MYO16: variants seen among roughly 807,000 people sequenced by gnomAD.
MYO16 encodes the protein unconventional myosin-XVI.
Under a neutral mutation model 205.3 loss-of-function variants are expected in MYO16, and 94 were observed. That is an observed-to-expected ratio of 0.46 (90% CI 0.39 to 0.54). The LOEUF is 0.54. Ranked by LOEUF, MYO16 falls within the 20% of genes least tolerant of loss-of-function variation. The probability of loss-of-function intolerance (pLI) is 0.00; values close to 1 mark genes in which losing one functional copy is unlikely to be tolerated. For synonymous variants in MYO16, 988 were observed against 954.0 expected (o/e 1.04, Z -0.66); for missense variants, 2,315 against 2,387.5 (o/e 0.97, Z 0.63).
At chr13:109,022,066 AATGTAT>A (rs1228607143) in intron 23 of MYO16, among the ~76,000 whole-genome samples, 2 of 148,366 alleles carry the variant, frequency 1.3e-5, no homozygotes, top group Admixed American at 6.9e-5. Flanking sequence ...ATGTATATAA[AATGTAT>A]ATGTATATGT....
intron 34 of MYO16, chr13:109,201,502 A>AAG (rs1197095358): frequency 6.6e-6 from 1 of 151,932 alleles, no homozygotes; most frequent in Non-Finnish European, 1.5e-5. Context: ...AAAAAAAAAA[A>AAG]AAAAAAAAAA....
chr13:108,881,365 T>G (rs1177059475), intron 12 of MYO16, among the ~76,000 whole-genome samples: 4 of 152,064 alleles, frequency 2.6e-5, no homozygotes, highest in Non-Finnish European at 4.4e-5. Flanking sequence ...CTGAAAATTC[T>G]AAAAATCAGA....
At chr13:109,093,834 C>G (rs1237212969) in intron 27 of MYO16, among the ~76,000 whole-genome samples, 1 of 152,136 alleles carries the variant, frequency 6.6e-6, no homozygotes, top group Non-Finnish European at 1.5e-5. Flanking sequence ...CTGCCCCTCT[C>G]CAGCCGCACT....
At chr13:108,551,580 C>G in the MYO16 span, among the ~76,000 whole-genome samples, 1 of 152,146 alleles carries the variant, frequency 6.6e-6, no homozygotes, top group African/African-American at 2.4e-5. Context: ...AATGCCTCCT[C>G]TCCAATTCAT....
chr13:108,700,332 C>CAA lies in MYO16; in HGVS notation c.293-12312_293-12311dup, dbSNP rs1183646145. Among the ~76,000 whole-genome samples, 592 of 96,402 alleles carry CAA rather than the reference C, an allele frequency of 6.1e-3. 5 individuals are homozygous for CAA. Among genetic ancestry groups the CAA allele is most frequent in the Admixed American group, 0.019 (165 of 8,562 alleles). The allele number at this position is 96,402 out of a possible 152,430, so 63.2% of individuals were successfully genotyped here. ...GGGCAACAACAGCGAAACTCTGTCT[C>CAA]AAAAAAAAAAAAAAAAAAGAAGAAG... is the stretch of plus-strand genomic sequence containing the variant. On this transcript the variant is annotated intron_variant, in intron 2 of 34. Coordinates refer to ENST00000457511, the MANE Select transcript of MYO16 (RefSeq NM_001198950.3).
Position 108,904,840 on chromosome 13 carries a change from C to T in MYO16, c.1778-5163C>T, listed in dbSNP as rs939347205. On this transcript the variant is annotated intron_variant, in intron 15 of 34. Coordinates refer to ENST00000457511, the MANE Select transcript of MYO16 (RefSeq NM_001198950.3). ...CCTGGAAAGGGAATGACAATTCTTTCTCTTCTACACAAGATCGTTCCTTGT... is the reference window on the plus strand; with the variant it reads ...CCTGGAAAGGGAATGACAATTCTTTTTCTTCTACACAAGATCGTTCCTTGT... Among the ~76,000 whole-genome samples the T allele has an allele frequency of 3.9e-5, 6 of 152,224 alleles. No individual in the cohort carries two copies. The South Asian group carries it at 1.2e-3, about 32-fold the overall frequency.
At chr13:108,978,621 A>G (rs1884353565) in intron 20 of MYO16, among the ~76,000 whole-genome samples, 1 of 151,632 alleles carries the variant, frequency 6.6e-6, no homozygotes, top group Non-Finnish European at 1.5e-5. Flanking sequence ...GTCTTTATTT[A>G]TGTTCGCATT....
chr13:109,141,033 G>C lies in MYO16; in HGVS notation c.4821G>C (p.Ala1607=). The change falls in exon 32 of 35, where the codon GCG becomes GCC. Residue 1607 remains alanine, a synonymous_variant. Transcript: ENST00000457511. This position sits in a 1 kb window ranked among gnomAD's most constrained non-coding sequence, Gnocchi z 4.1. ...PPPPPPGPPP[A]PYRPCAHLAF... ...CGCCCCCGCCCGGGCCGCCCCCCGC[G>C]CCCTACAGGCCCTGCGCGCACTTGG... 7.6e-7 allele frequency: 1 copy of C among 1,311,884 alleles called. No individual in the cohort carries two copies. The highest frequency in any genetic ancestry group is 9.7e-7 in the Non-Finnish European group (1 of 1,033,412). The allele number at this position is 1,311,884 out of a possible 1,614,324, so 81.3% of individuals were successfully genotyped here. A position where few individuals can be genotyped will look rare whatever the true frequency, so the allele number is the denominator to read the frequency against.
chr13:109,030,720 T>C (rs1408245050), intron 23 of MYO16, among the ~76,000 whole-genome samples: 1 of 152,176 alleles, frequency 6.6e-6, no homozygotes. Context: ...ATATTGACTT[T>C]TTAATATCTC....
chr13:109,191,856 A>G (rs1038312599), intron 34 of MYO16, among the ~76,000 whole-genome samples: 45 of 152,332 alleles, frequency 3.0e-4, no homozygotes, highest in South Asian at 4.1e-4. Flanking sequence ...GGAAACTTTA[A>G]TCTGTTCAGA....
chr13:108,716,723 C>A (rs1171182989), intron 3 of MYO16, among the ~76,000 whole-genome samples: 4 of 152,128 alleles, frequency 2.6e-5, no homozygotes, highest in Admixed American at 6.5e-5. Context: ...AGACGATCAG[C>A]GACTTTGAGG....
At chr13:108,820,990 A>G (rs2139016594) in intron 8 of MYO16, among the ~76,000 whole-genome samples, 1 of 152,204 alleles carries the variant, frequency 6.6e-6, no homozygotes, top group South Asian at 2.1e-4. Context: ...TAATAAATGG[A>G]TGCTACATTA....
intron 4 of MYO16, among the ~76,000 whole-genome samples, chr13:108,739,962 C>T (rs1726418919): frequency 6.6e-6 from 1 of 152,148 alleles, no homozygotes; most frequent in South Asian, 2.1e-4. Context: ...TCACGTGGTT[C>T]TCGTGCCATG....
chr13:109,044,066 T>G (rs1211987345), intron 23 of MYO16, among the ~76,000 whole-genome samples: 1 of 152,078 alleles, frequency 6.6e-6, no homozygotes, highest in Non-Finnish European at 1.5e-5. Context: ...CAGATGCAAA[T>G]GATACCGAAT....
At chr13:108,752,401 A>G (rs2139637797) in intron 4 of MYO16, among the ~76,000 whole-genome samples, 1 of 152,316 alleles carries the variant, frequency 6.6e-6, no homozygotes, top group South Asian at 2.1e-4. Context: ...TAAGGGGCAC[A>G]GATTCGTACA....
rs369220283 is a variant in MYO16 at position 108,655,640 on chromosome 13, C to T, written c.29-10246C>T. Among the ~76,000 whole-genome samples the T allele has an allele frequency of 2.0e-3, 307 of 152,222 alleles. 8 individuals are homozygous for T. In the South Asian group the frequency reaches 0.062, roughly 31 times the overall value. ...GCTTGCACCACACACCTGGAAAAGT[C>T]GCAGGCACTCAATGCCAGCCCATGA... is the stretch of plus-strand genomic sequence containing the variant. On this transcript the variant is annotated intron_variant, in intron 1 of 34. Transcript: ENST00000457511.
At chr13:109,120,160 T>C (rs918921610) in intron 28 of MYO16, among the ~76,000 whole-genome samples, 2 of 152,226 alleles carry the variant, frequency 1.3e-5, no homozygotes, top group Non-Finnish European at 1.5e-5. Context: ...GAAAACAATG[T>C]TGACACATGC....
In MYO16 at chr13:108,700,471, G is replaced by A. The variant is rs148708413; in HGVS notation, c.293-12190G>A. Among the ~76,000 whole-genome samples the A allele has an allele frequency of 3.1e-3, 475 of 152,108 alleles. 3 individuals carry two copies. The highest frequency in any genetic ancestry group is 0.011 in the African/African-American group (456 of 41,498). On this transcript the variant is annotated intron_variant, in intron 2 of 34. Transcript: ENST00000457511. Reference sequence around the variant, plus strand: ...TCCTCTCTTCCCCGGCTCTATAATAGCCCTAAAACCCAGCAGCCTTGCAAT... The same window carrying A: ...TCCTCTCTTCCCCGGCTCTATAATAACCCTAAAACCCAGCAGCCTTGCAAT...
chr13:109,090,172 G>A (rs1217310093), intron 27 of MYO16, among the ~76,000 whole-genome samples: 1 of 152,212 alleles, frequency 6.6e-6, no homozygotes, highest in Admixed American at 6.5e-5. Flanking sequence ...AATTGTCATA[G>A]TGATAATGCG....
Sources: allele counts gnomAD v4.1 joint callset (sites outside exome capture counted in the v4.1 genomes callset), GRCh38; gene constraint gnomAD v4.1.1; non-coding constraint Gnocchi (gnomAD v3.1); transcripts MANE v1.5; gene names NCBI Gene and HGNC (gene_info 2026-07-23, HGNC 2026-07-21).